The following DTHD1 variants were observed in gnomAD, a reference collection of about 807,000 sequenced individuals.
DTHD1 encodes the protein death domain containing 1, also known as death domain-containing protein 1.
A neutral mutation model predicts 74.8 loss-of-function variants in DTHD1; 59 were observed. The ratio of observed to expected loss-of-function variants is 0.79; its 90% CI spans 0.64 to 0.98. The LOEUF is 0.98. Among genes scored for constraint, DTHD1 ranks in the 50% least tolerant of loss-of-function variants. DTHD1 has a pLI of 0.00. For synonymous variants in DTHD1, 365 were observed against 371.1 expected (o/e 0.98, Z 0.19); for missense variants, 1,051 against 1,065.4 (o/e 0.99, Z 0.19).
chr4:36,333,496 A>T (rs1758815445), intron 8 of DTHD1: 1 of 152,138 alleles, frequency 6.6e-6, no homozygotes, highest in South Asian at 2.1e-4. Flanking sequence ...CACAGCTCAC[A>T]CACCGGGAGA....
chr4:36,285,515 G>A (rs1755649266), intron 2 of DTHD1, among the ~76,000 whole-genome samples: 1 of 152,014 alleles, frequency 6.6e-6, no homozygotes, highest in Non-Finnish European at 1.5e-5. Flanking sequence ...CTTCAAAAAA[G>A]TGAGAAAGAC....
At chr4:36,320,338 T>A (rs561999827) in intron 8 of DTHD1, among the ~76,000 whole-genome samples, 1 of 152,342 alleles carries the variant, frequency 6.6e-6, no homozygotes, top group African/African-American at 2.4e-5. Context: ...CTCAACTCTG[T>A]ATTGCCAGTG....
At position 36,287,046 on chromosome 4, in the gene DTHD1, T is replaced by C. The variant is rs1402212505; in HGVS notation, c.887+2455T>C. ...TTGGTTACACGAATAAGTTCTTTAG[T>C]GGTGATTTCTGAGATTTTGGTGCAC... On this transcript the variant is annotated intron_variant, in intron 2 of 9. Transcript: ENST00000639862. Among the ~76,000 whole-genome samples, 5 of 152,318 alleles carry C rather than the reference T, an allele frequency of 3.3e-5. No individual in the cohort carries two copies. In the East Asian group the frequency reaches 9.6e-4, roughly 29 times the overall value.
At chr4:36,315,559 A>G (rs1423941346) in intron 7 of DTHD1, 1 of 152,234 alleles carries the variant, frequency 6.6e-6, no homozygotes, top group Admixed American at 6.5e-5. Flanking sequence ...CACATGTTAT[A>G]GGAGAGTGCA....
At chr4:36,282,107 T>C (rs1313671689) in intron 1 of DTHD1, 78 bp downstream of exon 1, 1 of 1,203,412 alleles carries the variant, frequency 8.3e-7, no homozygotes, top group Non-Finnish European at 1.1e-6. Context: ...GCTATGAGTA[T>C]ACCAGATAGG....
chr4:36,331,745 T>C (rs1758685840), intron 8 of DTHD1, among the ~76,000 whole-genome samples: 1 of 152,178 alleles, frequency 6.6e-6, no homozygotes, highest in African/African-American at 2.4e-5. Context: ...TTTTCTGTCA[T>C]TGACTGTATA....
chr4:36,339,380 G>C (rs1472975439), intron 9 of DTHD1, among the ~76,000 whole-genome samples: 2 of 152,176 alleles, frequency 1.3e-5, no homozygotes, highest in Non-Finnish European at 2.9e-5. Context: ...AATTAAAGCT[G>C]AGTTGAAATC....
At chr4:36,302,201 G>A (rs1374042490) in intron 5 of DTHD1, among the ~76,000 whole-genome samples, 1 of 152,176 alleles carries the variant, frequency 6.6e-6, no homozygotes, top group Admixed American at 6.5e-5. Context: ...CCAAACGAGG[G>A]CATTGCATCA....
At chr4:36,285,820 C>T (rs1755669732) in intron 2 of DTHD1, among the ~76,000 whole-genome samples, 1 of 152,116 alleles carries the variant, frequency 6.6e-6, no homozygotes, top group Admixed American at 6.5e-5. Flanking sequence ...GAGAAAATCA[C>T]TTAAACGACC....
intron 5 of DTHD1, 96 bp downstream of exon 5, chr4:36,295,135 G>T: frequency 7.9e-7 from 1 of 1,260,438 alleles, no homozygotes; most frequent in Non-Finnish European, 1.0e-6. Context: ...TTTAAATTCT[G>T]TATTAAAATA....
At chr4:36,299,347 G>T (rs920947681) in intron 5 of DTHD1, among the ~76,000 whole-genome samples, 3 of 152,132 alleles carry the variant, frequency 2.0e-5, no homozygotes, top group African/African-American at 7.2e-5. Flanking sequence ...CTTCTTTGGA[G>T]ATATTATGCC....
At chr4:36,332,557 G>A (rs1177128882) in intron 8 of DTHD1, among the ~76,000 whole-genome samples, 3 of 152,046 alleles carry the variant, frequency 2.0e-5, no homozygotes, top group Non-Finnish European at 2.9e-5. Flanking sequence ...TTTCATACTT[G>A]TTTTCATGCA....
Position 36,319,010 on chromosome 4 carries a change from T to G in DTHD1, c.2340+2524T>G, listed in dbSNP as rs1418689573. ...TCCCTGAGATAGTCCCATAGCTGCT[T>G]CTTTATCATTCAGGGCTCAGCTCAG... On this transcript the variant is annotated intron_variant, in intron 8 of 9. Coordinates refer to ENST00000639862, the MANE Select transcript of DTHD1 (RefSeq NM_001170700.3). Among the ~76,000 whole-genome samples, 3 of 152,224 alleles carry G rather than the reference T, an allele frequency of 2.0e-5. No homozygotes were observed. In the South Asian group the frequency reaches 6.2e-4, roughly 32 times the overall value.
chr4:36,328,393 G>A (rs1758473210), intron 8 of DTHD1, among the ~76,000 whole-genome samples: 1 of 152,162 alleles, frequency 6.6e-6, no homozygotes, highest in Non-Finnish European at 1.5e-5. Flanking sequence ...TTATAAGAAA[G>A]TTCACGAAGA....
At chr4:36,296,247 A>G (rs1014305013) in intron 5 of DTHD1, among the ~76,000 whole-genome samples, 1 of 152,160 alleles carries the variant, frequency 6.6e-6, no homozygotes. Flanking sequence ...TCCTACAAAC[A>G]AGTCATTTTG....
intron 8 of DTHD1, among the ~76,000 whole-genome samples, chr4:36,331,496 T>G (rs1002238711): frequency 6.6e-6 from 1 of 152,158 alleles, no homozygotes; most frequent in Non-Finnish European, 1.5e-5. Context: ...AAAATACTAA[T>G]TATATATACT....
rs1010896317 is a variant in DTHD1, at chr4:36,347,190, T to C, written c.*3366T>C. On this transcript the variant is annotated 3_prime_UTR_variant, in exon 10 of 10. Coordinates refer to ENST00000639862, the MANE Select transcript of DTHD1 (RefSeq NM_001170700.3). Reference sequence around the variant, plus strand: ...TTCGAATGTTTTAATGACTGTATAATATCCTATTTCATAACCATAGCACAA... The same window carrying C: ...TTCGAATGTTTTAATGACTGTATAACATCCTATTTCATAACCATAGCACAA... Among the ~76,000 whole-genome samples the C allele has an allele frequency of 1.3e-5, 2 of 152,202 alleles. No individual in the cohort carries two copies. Among genetic ancestry groups the C allele is most frequent in the Admixed American group, 1.3e-4 (2 of 15,280 alleles).
chr4:36,301,012 C>T (rs932183012), intron 5 of DTHD1, among the ~76,000 whole-genome samples: 2 of 152,112 alleles, frequency 1.3e-5, no homozygotes, highest in African/African-American at 4.8e-5. Flanking sequence ...AAGAAACTAT[C>T]CTTGAAAAAT....
chr4:36,313,403 T>A (rs1443074353), intron 7 of DTHD1, among the ~76,000 whole-genome samples: 3 of 106,204 alleles, frequency 2.8e-5, no homozygotes, highest in Admixed American at 1.2e-4. Context: ...CCTTTAAATA[T>A]GCCAGTGAGG....
Sources: allele counts gnomAD v4.1 joint callset (sites outside exome capture counted in the v4.1 genomes callset), GRCh38; gene constraint gnomAD v4.1.1; transcripts MANE v1.5; gene names NCBI Gene and HGNC (gene_info 2026-07-23, HGNC 2026-07-21).